Variants in COL7A1 observed in about 807,000 individuals in gnomAD.
COL7A1 encodes the protein collagen alpha-1(VII) chain.
A neutral mutation model predicts 456.2 loss-of-function variants in COL7A1; 296 were observed. That is an observed-to-expected ratio of 0.65 (90% CI 0.59 to 0.71). The LOEUF (loss-of-function observed/expected upper bound fraction) is 0.71. Ranked by LOEUF, COL7A1 falls within the 30% of genes least tolerant of loss-of-function variation. COL7A1 has a pLI of 0.00. For synonymous variants in COL7A1, 1,464 were observed against 1,525.9 expected, an observed-to-expected ratio of 0.96 and a Z score of 0.95; for missense variants, 3,441 against 4,017.2, an observed-to-expected ratio of 0.86 and a Z score of 3.88.
In COL7A1 at chr3:48,571,552, G is replaced by A. The variant is rs2107652119; in HGVS notation, c.7069-274C>T. ...GCCCACACGCGAGTGCAGACATCTG[G>A]CTCCACAGACGTGAGTGCGGACACA... On this transcript the variant is annotated intron_variant, in intron 92 of 118. Transcript: ENST00000681320. This position sits in a 1 kb window ranked among gnomAD's most constrained non-coding sequence, Gnocchi z 4.6. The A allele has an allele frequency of 1.4e-6, 1 of 691,256 alleles. No homozygotes were observed. Among genetic ancestry groups the A allele is most frequent in the Non-Finnish European group, 2.7e-6 (1 of 368,916 alleles). The allele number at this position is 691,256 out of a possible 1,614,324, so 42.8% of individuals were successfully genotyped here. A position where few individuals can be genotyped will look rare whatever the true frequency, so the allele number is the denominator to read the frequency against.
chr3:48,579,667 C>T lies in COL7A1; in HGVS notation c.5156G>A (p.Gly1719Glu). 3 of 1,613,608 alleles carry T rather than the reference C, an allele frequency of 1.9e-6. No homozygotes were observed. Among genetic ancestry groups the T allele is most frequent in the Non-Finnish European group, 2.5e-6 (3 of 1,179,956 alleles). The change falls in exon 59 of 119, where the codon GGA becomes GAA. Residue 1719 changes from glycine to glutamate, a missense_variant and splice_region_variant. This residue lies in a region of COL7A1 where 2,084 missense variants were observed against 2,501.3 expected (regional missense o/e 0.83). Coordinates refer to ENST00000681320, the MANE Select transcript of COL7A1 (RefSeq NM_000094.4). This position sits in a 1 kb window ranked among gnomAD's most constrained non-coding sequence, Gnocchi z 4.4. ...CTCTTGTCCGCGGTCCCCAGGCTCT[C>T]CCTGTGGCAGAGATAAGCTTGCTGA... ...VDTGPGAREK[G>E]EPGDRGQEGP...
In COL7A1 at chr3:48,564,353, C is replaced by G. The variant is rs1420260766; in HGVS notation, c.*53G>C. 2 of 1,607,970 alleles carry G rather than the reference C, an allele frequency of 1.2e-6. No homozygotes were observed. The highest frequency in any genetic ancestry group is 4.5e-5 in the East Asian group (2 of 44,842). On this transcript the variant is annotated 3_prime_UTR_variant, in exon 119 of 119. Coordinates refer to ENST00000681320, the MANE Select transcript of COL7A1 (RefSeq NM_000094.4). The surrounding 1 kb of genome is among the most constrained non-coding windows in gnomAD (Gnocchi z 6.0). ...CAAGGGGAGGGACAGTGGGGTTCTG[C>G]TGAGACCCCGACTCCTCCAGGGGAT...
Position 48,565,247 on chromosome 3 carries a change from G to C in COL7A1, c.8528-46C>G, listed in dbSNP as rs772690795. On this transcript the variant is annotated intron_variant, in intron 116 of 118. Transcript: ENST00000681320. The surrounding 1 kb of genome is among the most constrained non-coding windows in gnomAD (Gnocchi z 4.5). ...GCTGGGAGCAGTGGCTGCTGGCCCCGGGGCAAGGTGGGCAGCACTGATTTC... is the reference window on the plus strand; with the variant it reads ...GCTGGGAGCAGTGGCTGCTGGCCCCCGGGCAAGGTGGGCAGCACTGATTTC... 1.9e-6 allele frequency: 3 copies of C among 1,562,788 alleles called. No individual in the cohort carries two copies. The highest frequency in any genetic ancestry group is 4.5e-5 in the East Asian group (2 of 44,122).
rs765321512 is a variant in COL7A1, at chr3:48,584,766, C to G, written c.4015G>C (p.Glu1339Gln). Residue 1339 changes from glutamate (E) to glutamine (Q), a missense_variant, in exon 35 of 119, where the codon GAG becomes CAG. Coordinates refer to ENST00000681320, the MANE Select transcript of COL7A1 (RefSeq NM_000094.4). ...CCCTTTGGGCCTCGAGGTCCTCGCTCTCCCTGAGGACGAAACAGAGCAGAG... is the reference window on the plus strand; with the variant it reads ...CCCTTTGGGCCTCGAGGTCCTCGCTGTCCCTGAGGACGAAACAGAGCAGAG... ...GLPGPRGDPG[E>Q]RGPRGPKGEP... 8 of 1,613,906 alleles carry G rather than the reference C, an allele frequency of 5.0e-6. No individual in the cohort carries two copies. The Admixed American group carries it at 5.0e-5, about 10-fold the overall frequency.
At position 48,593,605 on chromosome 3, in the gene COL7A1, C is replaced by T. The variant is rs763814269; in HGVS notation, c.358G>A (p.Gly120Arg). Residue 120 changes from glycine (G) to arginine (R), a missense_variant, in exon 4 of 119, where the codon GGG (glycine) becomes AGG (arginine). Gly to Arg is a moderately radical substitution (Grantham distance 125). Around this residue, in one of 3 missense-constraint regions of COL7A1, gnomAD observed 913 missense variants for 1,088.2 expected, o/e 0.84. Transcript: ENST00000681320. The surrounding 1 kb of genome is among the most constrained non-coding windows in gnomAD (Gnocchi z 4.4). ...LSYKGGNTRTGAAILHVADHV... is the reference protein window; with the variant it reads ...LSYKGGNTRTRAAILHVADHV... ...TCAGCCACATGGAGAATTGCAGCCC[C>T]TGTGCGAGTGTTGCCCCCCTTGTAG... 1 of 1,614,236 alleles carries T rather than the reference C, an allele frequency of 6.2e-7. No individual in the cohort carries two copies. The highest frequency in any genetic ancestry group is 1.7e-5 in the Admixed American group (1 of 60,032).
chr3:48,564,184 C>A lies in COL7A1; in HGVS notation c.*222G>T. On this transcript the variant is annotated 3_prime_UTR_variant, in exon 119 of 119. Transcript: ENST00000681320. The surrounding 1 kb of genome is among the most constrained non-coding windows in gnomAD (Gnocchi z 6.0). The stretch of plus-strand genomic sequence containing the variant: ...CACATCCGCTCACTGCCCACAGCCA[C>A]CCCCCCACAGTGAGTCATCTGCCAG... 1 of 619,886 alleles carries A rather than the reference C, an allele frequency of 1.6e-6. No individual in the cohort carries two copies. The highest frequency in any genetic ancestry group is 2.9e-6 in the Non-Finnish European group (1 of 340,184). 38.4% of individuals were successfully genotyped at this position (619,886 alleles called of 1,614,324 possible).
rs369881673 is a variant in COL7A1 at position 48,567,613 on chromosome 3, C to T, written c.8007G>A (p.Gln2669=). 6.2e-7 allele frequency: 1 copy of T among 1,614,104 alleles called. No homozygotes were observed. ...GGCCCTCCTTGCCAGGGGCCCCCGACTGGCCCGGCACACCAGGCTCCCCCT... is the reference window on the plus strand; with the variant it reads ...GGCCCTCCTTGCCAGGGGCCCCCGATTGGCCCGGCACACCAGGCTCCCCCT... ...GEMGEPGVPG[Q]SGAPGKEGLI... The change falls in exon 109 of 119, where the codon CAG becomes CAA. Residue 2669 remains glutamine, a synonymous_variant. Coordinates refer to ENST00000681320, the MANE Select transcript of COL7A1 (RefSeq NM_000094.4). The surrounding 1 kb of genome is among the most constrained non-coding windows in gnomAD (Gnocchi z 4.3).
Position 48,578,413 on chromosome 3 carries a change from G to C in COL7A1, c.5487+40C>G, listed in dbSNP as rs1169242286. On this transcript the variant is annotated intron_variant, in intron 64 of 118. Coordinates refer to ENST00000681320, the MANE Select transcript of COL7A1 (RefSeq NM_000094.4). The surrounding 1 kb of genome is among the most constrained non-coding windows in gnomAD (Gnocchi z 4.7). ...GGATGTCGGGGATCGGGTGAGGGTA[G>C]TAAGGGGGAAAAGGGGGTAACATGA... 1.2e-6 allele frequency: 2 copies of C among 1,613,598 alleles called. No homozygotes were observed. Among genetic ancestry groups the C allele is most frequent in the Middle Eastern group, 1.8e-4 (1 of 5,640 alleles).
chr3:48,568,436 A>C lies in COL7A1; in HGVS notation c.7794+63T>G. ...GGTCAAAAGCTACCACACTGGTGGG[A>C]CCACCATGGTGACGGGGGCCCTCTG... is the stretch of plus-strand genomic sequence containing the variant. On this transcript the variant is annotated intron_variant, in intron 105 of 118. Coordinates refer to ENST00000681320, the MANE Select transcript of COL7A1 (RefSeq NM_000094.4). The surrounding 1 kb of genome is among the most constrained non-coding windows in gnomAD (Gnocchi z 5.2). 6.7e-7 allele frequency: 1 copy of C among 1,492,806 alleles called. No individual in the cohort carries two copies. Among genetic ancestry groups the C allele is most frequent in the Non-Finnish European group, 9.2e-7 (1 of 1,086,536 alleles). 92.5% of individuals were successfully genotyped at this position (1,492,806 alleles called of 1,614,324 possible). A position where few individuals can be genotyped will look rare whatever the true frequency, so the allele number is the denominator to read the frequency against.
Position 48,575,800 on chromosome 3 carries a change from TG to T in COL7A1, c.5857-53del. 2 of 1,613,864 alleles carry T rather than the reference TG, an allele frequency of 1.2e-6. No homozygotes were observed. The highest frequency in any genetic ancestry group is 4.5e-5 in the East Asian group (2 of 44,822). Reference sequence around the variant, plus strand: ...GCGGGGTGCGTCGCCGCAGCCCCTATGCCTGTGGGCACCACTAGCCCCAAGG... The same window carrying T: ...GCGGGGTGCGTCGCCGCAGCCCCTATCCTGTGGGCACCACTAGCCCCAAGG... On this transcript the variant is annotated intron_variant, in intron 72 of 118. Transcript: ENST00000681320. This position sits in a 1 kb window ranked among gnomAD's most constrained non-coding sequence, Gnocchi z 6.3.
At position 48,565,678 on chromosome 3, in the gene COL7A1, G is replaced by C; in HGVS notation, c.8408-10C>G. On this transcript the variant is annotated splice_polypyrimidine_tract_variant and intron_variant, in intron 114 of 118. Coordinates refer to ENST00000681320, the MANE Select transcript of COL7A1 (RefSeq NM_000094.4). This position sits in a 1 kb window ranked among gnomAD's most constrained non-coding sequence, Gnocchi z 4.5. ...AACTGGCCCTGGCAGGCTAGAGGGG[G>C]CAGAGAGGGATAGAGAGACAATGAC... 1 of 1,611,954 alleles carries C rather than the reference G, an allele frequency of 6.2e-7. No individual in the cohort carries two copies. The highest frequency in any genetic ancestry group is 1.7e-4 in the Middle Eastern group (1 of 6,058).
rs1467805554 is a variant in COL7A1 at position 48,570,286 on chromosome 3, G to A, written c.7429C>T (p.Pro2477Ser). 1 of 1,613,598 alleles carries A rather than the reference G, an allele frequency of 6.2e-7. No individual in the cohort carries two copies. The highest frequency in any genetic ancestry group is 1.1e-5 in the South Asian group (1 of 91,036). Residue 2477 changes from proline (P) to serine (S), a missense_variant, in exon 98 of 119, where the codon CCA becomes TCA. By Grantham distance (74) the Pro-to-Ser change is moderately conservative (BLOSUM62 -1). Around this residue, in one of 3 missense-constraint regions of COL7A1, gnomAD observed 2,084 missense variants for 2,501.3 expected, o/e 0.83. Coordinates refer to ENST00000681320, the MANE Select transcript of COL7A1 (RefSeq NM_000094.4). This position sits in a 1 kb window ranked among gnomAD's most constrained non-coding sequence, Gnocchi z 5.5. ...LPGPRGERGE[P>S]GIRGEDGRPG... Reference sequence around the variant, plus strand: ...TAAGACATACGTACCCGGATGCCTGGCTCCCCACGCTCGCCTCGGGGCCCA... The same window carrying A: ...TAAGACATACGTACCCGGATGCCTGACTCCCCACGCTCGCCTCGGGGCCCA...
At position 48,572,341 on chromosome 3, in the gene COL7A1, G is replaced by T. The variant is rs972380352; in HGVS notation, c.6978+39C>A. On this transcript the variant is annotated intron_variant, in intron 90 of 118. Transcript: ENST00000681320. This position sits in a 1 kb window ranked among gnomAD's most constrained non-coding sequence, Gnocchi z 4.6. ...AGAAGTTAGGCCACTGGAGAGACAG[G>T]ACCCCCAGAACATCTGCTGTCAGAA... The T allele has an allele frequency of 1.2e-6, 2 of 1,613,972 alleles. No individual in the cohort carries two copies. The highest frequency in any genetic ancestry group is 2.2e-5 in the South Asian group (2 of 91,092).
At position 48,589,350 on chromosome 3, in the gene COL7A1, G is replaced by A. The variant is rs151055269; in HGVS notation, c.2291C>T (p.Pro764Leu). 210 of 1,612,624 alleles carry A rather than the reference G, an allele frequency of 1.3e-4. No homozygotes were observed. Among genetic ancestry groups the A allele is most frequent in the Non-Finnish European group, 1.6e-4 (194 of 1,179,956 alleles). ...ACCAGTCCTCACAACCACAGAGGCA[G>A]GGGGCCCATCCACGCCAGCCACATG... The part of the protein sequence containing the change: ...RAHVAGVDGP[P>L]ASVVVRTAPE... Residue 764 changes from proline to leucine, a missense_variant, in exon 18 of 119, where the codon CCT (proline) becomes CTT (leucine). Pro to Leu is a moderately conservative substitution (Grantham distance 98). This residue lies in a region of COL7A1 where 913 missense variants were observed against 1,088.2 expected (regional missense o/e 0.84). Coordinates refer to ENST00000681320, the MANE Select transcript of COL7A1 (RefSeq NM_000094.4).
At position 48,578,289 on chromosome 3, in the gene COL7A1, G is replaced by C. The variant is rs768861182; in HGVS notation, c.5532+32C>G. The C allele has an allele frequency of 6.2e-7, 1 of 1,612,102 alleles. No individual in the cohort carries two copies. The highest frequency in any genetic ancestry group is 2.2e-5 in the East Asian group (1 of 44,888). Reference sequence around the variant, plus strand: ...GTAGGTGTGCTGGCGTTTCTTGGCAGGTTTCGCCGCAGCTGCCCTGGACAC... The same window carrying C: ...GTAGGTGTGCTGGCGTTTCTTGGCACGTTTCGCCGCAGCTGCCCTGGACAC... On this transcript the variant is annotated intron_variant, in intron 65 of 118. Transcript: ENST00000681320. The surrounding 1 kb of genome is among the most constrained non-coding windows in gnomAD (Gnocchi z 4.7).
In COL7A1 at chr3:48,587,456, T is replaced by G; in HGVS notation, c.2956A>C (p.Ile986Leu). ...WTPVSRASSY[I>L]LSWRPLRGPG... is the part of the protein sequence containing the mutation. The stretch of plus-strand genomic sequence containing the variant: ...CCTCTGAGTGGCCGCCAGGATAGGA[T>G]GTAGCTGGATGCCCTGGACACTGGA... Residue 986 changes from isoleucine (I) to leucine (L), a missense_variant, in exon 23 of 119, where the codon ATC becomes CTC. Ile to Leu is a conservative substitution (Grantham distance 5). Transcript: ENST00000681320. This position sits in a 1 kb window ranked among gnomAD's most constrained non-coding sequence, Gnocchi z 6.1. 6.2e-7 allele frequency: 1 copy of G among 1,613,234 alleles called. No individual in the cohort carries two copies. Among genetic ancestry groups the G allele is most frequent in the East Asian group, 2.2e-5 (1 of 44,874 alleles).
rs751171159 is a variant in COL7A1 at position 48,583,937 on chromosome 3, C to T, written c.4241G>A (p.Gly1414Asp). Residue 1414 changes from glycine (G) to aspartate (D), a missense_variant, in exon 39 of 119, where the codon GGT (glycine) becomes GAT (aspartate). Gly to Asp is a moderately conservative substitution (Grantham distance 94). Transcript: ENST00000681320. The surrounding 1 kb of genome is among the most constrained non-coding windows in gnomAD (Gnocchi z 5.1). ...CTCCCCAGGAGCAATGCCACCTTCA[C>T]CTGGTCCAGGGGGACCCTGGGAGAG... ...DRGERGPPGPGEGGIAPGEPG... is the reference protein window; with the variant it reads ...DRGERGPPGPDEGGIAPGEPG... 1.9e-6 allele frequency: 3 copies of T among 1,613,924 alleles called. No homozygotes were observed. Among genetic ancestry groups the T allele is most frequent in the African/African-American group, 1.3e-5 (1 of 74,910 alleles).
Position 48,586,006 on chromosome 3 carries a change from C to T in COL7A1, c.3724-31G>A. 1 of 1,613,720 alleles carries T rather than the reference C, an allele frequency of 6.2e-7. No homozygotes were observed. The highest frequency in any genetic ancestry group is 8.5e-7 in the Non-Finnish European group (1 of 1,180,024). Reference sequence around the variant, plus strand: ...GACATAGGGTCTCTTTGAGGTTGAACATTTCTACCAAGAACCCCCAGACCC... The same window carrying T: ...GACATAGGGTCTCTTTGAGGTTGAATATTTCTACCAAGAACCCCCAGACCC... On this transcript the variant is annotated intron_variant, in intron 28 of 118. Transcript: ENST00000681320. The surrounding 1 kb of genome is among the most constrained non-coding windows in gnomAD (Gnocchi z 5.1).
rs142948995 is a variant in COL7A1, at chr3:48,566,546, G to A, written c.8322C>T (p.Ala2774=). Residue 2774 remains alanine (A), a synonymous_variant, in exon 113 of 119, where the codon GCC becomes GCT. Transcript: ENST00000681320. This position sits in a 1 kb window ranked among gnomAD's most constrained non-coding sequence, Gnocchi z 5.9. ...CTTCTCCCTTCTCGCCTCGAGGACC[G>A]GCAGGCCCTGGCCGCCCCTATGTGC... ...ERGEQGRPGP[A]GPRGEKGEAA... 75 of 1,608,774 alleles carry A rather than the reference G, an allele frequency of 4.7e-5. No homozygotes were observed. The highest frequency in any genetic ancestry group is 1.3e-4 in the African/African-American group (10 of 74,706).
Sources: gnomAD v4.1 joint callset for allele counts on GRCh38, gnomAD v4.1.1 for gene constraint, gnomAD v4.1.1 regional missense constraint, Gnocchi (gnomAD v3.1) non-coding constraint, MANE v1.5 for transcripts, NCBI Gene and HGNC (gene_info 2026-07-23, HGNC 2026-07-21) for gene names.